The following ADAMTSL4 variants were observed in gnomAD, a reference collection of about 807,000 sequenced individuals.
The protein encoded by ADAMTSL4 is ADAMTS-like protein 4.
In ADAMTSL4, 97 loss-of-function variants were observed where a neutral mutation model predicts 122.8. That is an observed-to-expected ratio of 0.79 (90% CI 0.67 to 0.93). The LOEUF (loss-of-function observed/expected upper bound fraction) is 0.93. Among genes scored for constraint, ADAMTSL4 ranks in the 40% least tolerant of loss-of-function variants. The probability of loss-of-function intolerance (pLI) is 0.00; values close to 1 mark genes in which losing one functional copy is unlikely to be tolerated. For synonymous variants in ADAMTSL4, 592 were observed against 568.0 expected (o/e 1.04, Z -0.60); for missense variants, 1,408 against 1,453.5 (o/e 0.97, Z 0.51).
At position 150,556,199 on chromosome 1, in the gene ADAMTSL4, G is replaced by C. The variant is rs137999265; in HGVS notation, c.1409G>C (p.Arg470Pro). The change falls in exon 9 of 19, where the codon CGT (arginine) becomes CCT (proline). Residue 470 changes from arginine (R) to proline (P), a missense_variant. By Grantham distance (103) the Arg-to-Pro change is moderately radical (BLOSUM62 -2). Transcript: ENST00000271643. This position sits in a 1 kb window ranked among gnomAD's most constrained non-coding sequence, Gnocchi z 4.1. ...GCDGILGSGR[R>P]PDGCGVCGGD... is the part of the protein sequence containing the mutation. ...GATGGGATCCTTGGCTCTGGCAGGC[G>C]TCCTGATGGCTGTGGAGTCTGTGGG... The C allele has an allele frequency of 5.6e-6, 9 of 1,614,162 alleles. No homozygotes were observed. The highest frequency in any genetic ancestry group is 1.3e-5 in the African/African-American group (1 of 75,038).
At position 150,558,038 on chromosome 1, in the gene ADAMTSL4, T is replaced by G. The variant is rs908539772; in HGVS notation, c.2271T>G (p.Gly757=). 1.9e-6 allele frequency: 3 copies of G among 1,611,830 alleles called. No homozygotes were observed. The highest frequency in any genetic ancestry group is 1.7e-4 in the Middle Eastern group (1 of 6,040). The change falls in exon 14 of 19, where the codon GGT becomes GGG. Residue 757 remains glycine, a synonymous_variant. Transcript: ENST00000271643. ...AGTGCCGGCAGGAATTTGGGGGGGG[T>G]GGCTCCTCGGTGCCCCCGGAGCGCT... ...QLQCRQEFGG[G]GSSVPPERCG... is the part of the protein sequence containing the mutation.
At position 150,557,800 on chromosome 1, in the gene ADAMTSL4, C is replaced by T. The variant is rs1672340775; in HGVS notation, c.2178-145C>T. ...AGAAAGCCATGGCAGGCTGAGCCCC[C>T]CAGGAACCCAGACTCCAAACGCCAA... On this transcript the variant is annotated intron_variant, in intron 13 of 18. Coordinates refer to ENST00000271643, the MANE Select transcript of ADAMTSL4 (RefSeq NM_019032.6). The T allele has an allele frequency of 5.6e-6, 7 of 1,258,038 alleles. No individual in the cohort carries two copies. In the South Asian group the frequency reaches 9.9e-5, roughly 18 times the overall value. The allele number at this position is 1,258,038 out of a possible 1,614,324, so 77.9% of individuals were successfully genotyped here. A position where few individuals can be genotyped will look rare whatever the true frequency, so the allele number is the denominator to read the frequency against.
intron 2 of ADAMTSL4, chr1:150,550,425 CT>C (rs34431868): frequency 0.011 from 4,847 of 426,524 alleles, 46 homozygotes; most frequent in Non-Finnish European, 0.016. Context: ...CCACCCCTCA[CT>C]TCTCCAGGGA....
intron 11 of ADAMTSL4, 25 bp from the exon 12 acceptor site, chr1:150,557,125 C>T (rs775531826): frequency 2.5e-6 from 4 of 1,613,004 alleles, no homozygotes; most frequent in South Asian, 2.2e-5. Flanking sequence ...GGGGTGGCAT[C>T]TGATTCGCCT....
In ADAMTSL4 at chr1:150,559,276, C is replaced by G. The variant is rs1220189655; in HGVS notation, c.2764-11C>G. Reference sequence around the variant, plus strand: ...CCCTCCCCTCATCACCCTGCCCTCCCCCTACACTAGTGCTCCTCCGAATGT... The same window carrying G: ...CCCTCCCCTCATCACCCTGCCCTCCGCCTACACTAGTGCTCCTCCGAATGT... On this transcript the variant is annotated splice_polypyrimidine_tract_variant and intron_variant, in intron 16 of 18. Coordinates refer to ENST00000271643, the MANE Select transcript of ADAMTSL4 (RefSeq NM_019032.6). The surrounding 1 kb of genome is among the most constrained non-coding windows in gnomAD (Gnocchi z 4.1). 5 of 1,613,926 alleles carry G rather than the reference C, an allele frequency of 3.1e-6. No individual in the cohort carries two copies. The highest frequency in any genetic ancestry group is 1.3e-5 in the African/African-American group (1 of 75,010).
At position 150,559,709 on chromosome 1, in the gene ADAMTSL4, G is replaced by A; in HGVS notation, c.2944-52G>A. 6.2e-7 allele frequency: 1 copy of A among 1,612,954 alleles called. No individual in the cohort carries two copies. On this transcript the variant is annotated intron_variant, in intron 17 of 18. Transcript: ENST00000271643. The surrounding 1 kb of genome is among the most constrained non-coding windows in gnomAD (Gnocchi z 4.1). ...GAGAGAGGTGGCAGCCAGGGGTTAA[G>A]GAGAATCCCGGGCCTGGCAAAGGTC... is the stretch of plus-strand genomic sequence containing the variant.
Position 150,554,261 on chromosome 1 carries a change from A to C in ADAMTSL4, c.1132-104A>C. ...GACCACCTCAGGGCAGGGGTCTTGG[A>C]GCTCTTCCGCTGACCTGAGCCTCCC... On this transcript the variant is annotated intron_variant, in intron 6 of 18. Coordinates refer to ENST00000271643, the MANE Select transcript of ADAMTSL4 (RefSeq NM_019032.6). This position sits in a 1 kb window ranked among gnomAD's most constrained non-coding sequence, Gnocchi z 4.0. The C allele has an allele frequency of 1.4e-6, 2 of 1,441,648 alleles. No homozygotes were observed. The highest frequency in any genetic ancestry group is 1.9e-6 in the Non-Finnish European group (2 of 1,032,252). The allele number at this position is 1,441,648 out of a possible 1,614,324, so 89.3% of individuals were successfully genotyped here. A position where few individuals can be genotyped will look rare whatever the true frequency, so the allele number is the denominator to read the frequency against.
At chr1:150,558,280 A>G in intron 14 of ADAMTSL4, 131 bp downstream of exon 14, 1 of 1,530,598 alleles carries the variant, frequency 6.5e-7, no homozygotes, top group Non-Finnish European at 8.8e-7. Context: ...CCCCCAATAT[A>G]GAAGTCAGAT....
intron 2 of ADAMTSL4, chr1:150,550,489 C>T (rs151313015): frequency 4.3e-5 from 16 of 370,420 alleles, no homozygotes; most frequent in African/African-American, 6.4e-5. Flanking sequence ...TGGGTAGACC[C>T]GTGGAGAGGG....
chr1:150,559,638 G>A lies in ADAMTSL4; in HGVS notation c.2944-123G>A. 1.3e-6 allele frequency: 2 copies of A among 1,568,482 alleles called. No individual in the cohort carries two copies. The highest frequency in any genetic ancestry group is 1.1e-5 in the South Asian group (1 of 88,696). ...GAGGAAAGATGGGCCCTCTCCATTT[G>A]GGATTTCACAATGTCCTAGGAGGGT... is the stretch of plus-strand genomic sequence containing the variant. On this transcript the variant is annotated intron_variant, in intron 17 of 18. Coordinates refer to ENST00000271643, the MANE Select transcript of ADAMTSL4 (RefSeq NM_019032.6). This position sits in a 1 kb window ranked among gnomAD's most constrained non-coding sequence, Gnocchi z 4.1.
rs753569246 is a variant in ADAMTSL4 at position 150,557,612 on chromosome 1, A to G, written c.2166A>G (p.Pro722=). Residue 722 remains proline (P), a synonymous_variant, in exon 13 of 19, where the codon CCA becomes CCG. Transcript: ENST00000271643. ...PASPEPCHGT[P]CPPYWEAGEW... ...CCCCTGAACCCTGCCACGGCACCCC[A>G]TGCCCCCCATAGTGAGTATGGGGGA... 6.3e-7 allele frequency: 1 copy of G among 1,599,840 alleles called. No individual in the cohort carries two copies. The highest frequency in any genetic ancestry group is 1.7e-5 in the Admixed American group (1 of 57,920).
At position 150,559,366 on chromosome 1, in the gene ADAMTSL4, CT is replaced by C; in HGVS notation, c.2845del (p.Ser949LeufsTer50). On this transcript the variant is annotated frameshift_variant, in exon 17 of 19. Transcript: ENST00000271643. LOFTEE classifies it high-confidence loss of function. This position sits in a 1 kb window ranked among gnomAD's most constrained non-coding sequence, Gnocchi z 4.1. ...VSKLGTEFNV[T>X]SPSNCSHLPR... Reference sequence around the variant, plus strand: ...AAACTGGGGACGGAGTTCAACGTGACTTCTCCGAGCAACTGTTCTCACCTCC... The same window carrying C: ...AAACTGGGGACGGAGTTCAACGTGACTCTCCGAGCAACTGTTCTCACCTCC... The C allele has an allele frequency of 1.2e-6, 2 of 1,613,950 alleles. No individual in the cohort carries two copies. Among genetic ancestry groups the C allele is most frequent in the Non-Finnish European group, 1.7e-6 (2 of 1,180,008 alleles).
At position 150,558,002 on chromosome 1, in the gene ADAMTSL4, C is replaced by A; in HGVS notation, c.2235C>A (p.His745Gln). ...CSRSCGPGTQ[H>Q]RQLQCRQEFG... ...GCTCCTGTGGCCCCGGCACCCAGCA[C>A]CGCCAGCTGCAGTGCCGGCAGGAAT... Residue 745 changes from histidine to glutamine, a missense_variant, in exon 14 of 19, where the codon CAC becomes CAA. Transcript: ENST00000271643. The A allele has an allele frequency of 6.2e-7, 1 of 1,612,248 alleles. No homozygotes were observed. The highest frequency in any genetic ancestry group is 8.5e-7 in the Non-Finnish European group (1 of 1,179,786).
chr1:150,550,295 C>T, intron 2 of ADAMTSL4: 1 of 443,106 alleles, frequency 2.3e-6, no homozygotes, highest in Middle Eastern at 3.7e-4. Context: ...CATAAATGTG[C>T]GTGTGTTTCT....
At position 150,559,393 on chromosome 1, in the gene ADAMTSL4, C is replaced by G. The variant is rs587743126; in HGVS notation, c.2870C>G (p.Pro957Arg). 27 of 1,613,742 alleles carry G rather than the reference C, an allele frequency of 1.7e-5. No individual in the cohort carries two copies. The highest frequency in any genetic ancestry group is 2.2e-5 in the Non-Finnish European group (26 of 1,180,004). The change falls in exon 17 of 19, where the codon CCC (proline) becomes CGC (arginine). Residue 957 changes from proline (P) to arginine (R), a missense_variant. By Grantham distance (103) the Pro-to-Arg change is moderately radical (BLOSUM62 -2). Transcript: ENST00000271643. The surrounding 1 kb of genome is among the most constrained non-coding windows in gnomAD (Gnocchi z 4.1). ...TCTCCGAGCAACTGTTCTCACCTCCCCAGGCCCCCTGCCCTGCAGCCCTGT... is the reference window on the plus strand; with the variant it reads ...TCTCCGAGCAACTGTTCTCACCTCCGCAGGCCCCCTGCCCTGCAGCCCTGT... ...VTSPSNCSHL[P>R]RPPALQPCQG...
At chr1:150,557,374 A>AC in intron 12 of ADAMTSL4, 39 bp downstream of exon 12, 1 of 1,601,708 alleles carries the variant, frequency 6.2e-7, no homozygotes. Flanking sequence ...CTCGGTCCAA[A>AC]CCCCCCAACT....
At chr1:150,558,799 T>C in intron 15 of ADAMTSL4, 150 bp downstream of exon 15, 1 of 1,546,406 alleles carries the variant, frequency 6.5e-7, no homozygotes. Context: ...GAGAACAACT[T>C]CCATGAGGGG....
rs753729179 is a variant in ADAMTSL4 at position 150,558,516 on chromosome 1, G to A, written c.2426G>A (p.Arg809His). The A allele has an allele frequency of 3.2e-5, 51 of 1,613,696 alleles. No individual in the cohort carries two copies. The highest frequency in any genetic ancestry group is 8.9e-5 in the East Asian group (4 of 44,892). ...CGGGGCCAGAGAAGCCGGCAGGTTCGCTGTGTTGGGAACAATGGTGATGAA... is the reference window on the plus strand; with the variant it reads ...CGGGGCCAGAGAAGCCGGCAGGTTCACTGTGTTGGGAACAATGGTGATGAA... ...CGRGQRSRQV[R>H]CVGNNGDEVS... is the part of the protein sequence containing the mutation. The change falls in exon 15 of 19, where the codon CGC becomes CAC. Residue 809 changes from arginine (R) to histidine (H), a missense_variant. Arg to His is a conservative substitution (Grantham distance 29). Coordinates refer to ENST00000271643, the MANE Select transcript of ADAMTSL4 (RefSeq NM_019032.6).
rs12754808 is a variant in ADAMTSL4 at position 150,552,302 on chromosome 1, C to T, written c.14C>T (p.Thr5Ile). The change falls in exon 3 of 19, where the codon ACT becomes ATT. Residue 5 changes from threonine (T) to isoleucine (I), a missense_variant. Thr to Ile is a moderately conservative substitution (Grantham distance 89). Transcript: ENST00000271643. The surrounding 1 kb of genome is among the most constrained non-coding windows in gnomAD (Gnocchi z 4.0). ...AGAGGGGGAGCGATGGAGAACTGGACTGGCAGGTGAGAGAAGGGGCCACGG... is the reference window on the plus strand; with the variant it reads ...AGAGGGGGAGCGATGGAGAACTGGATTGGCAGGTGAGAGAAGGGGCCACGG... Reference protein sequence around the residue: MENWTGRPWLYLLLL... With the variant: MENWIGRPWLYLLLL... The T allele has an allele frequency of 6.4e-7, 1 of 1,555,814 alleles. No homozygotes were observed. The highest frequency in any genetic ancestry group is 8.7e-7 in the Non-Finnish European group (1 of 1,149,004).
Sources: gnomAD v4.1 joint callset for allele counts on GRCh38, gnomAD v4.1.1 for gene constraint, Gnocchi (gnomAD v3.1) non-coding constraint, MANE v1.5 for transcripts, NCBI Gene and HGNC (gene_info 2026-07-23, HGNC 2026-07-21) for gene names.